The following LGALS9 variants were observed in gnomAD, a reference collection of about 807,000 sequenced individuals.
LGALS9 encodes the protein galectin-9.
In LGALS9, 26 loss-of-function variants were observed where a neutral mutation model predicts 35.9. The ratio of observed to expected loss-of-function variants is 0.72; its 90% CI spans 0.53 to 1.01. The LOEUF (loss-of-function observed/expected upper bound fraction) is 1.01. Ranked by LOEUF, LGALS9 falls within the 50% of genes least tolerant of loss-of-function variation. LGALS9 has a pLI of 0.00. For missense variants in LGALS9, 347 were observed against 445.8 expected (o/e 0.78, Z 1.99); for synonymous variants, 149 against 172.2 (o/e 0.87, Z 1.06).
chr17:27,646,690 C>A, intron 8 of LGALS9, 102 bp downstream of exon 8: 7 of 1,571,506 alleles, frequency 4.5e-6, no homozygotes, highest in Non-Finnish European at 6.1e-6. Flanking sequence ...AAATTAAAAG[C>A]AGTCATTTGT....
At position 27,647,277 on chromosome 17, in the gene LGALS9, A is replaced by T. The variant is rs1220124930; in HGVS notation, c.766A>T (p.Ile256Phe). Residue 256 changes from isoleucine (I) to phenylalanine (F), a missense_variant, in exon 10 of 11, where the codon ATC becomes TTC. Coordinates refer to ENST00000395473, the MANE Select transcript of LGALS9 (RefSeq NM_009587.3). The part of the protein sequence containing the change: ...TVLPSAQRFH[I>F]NLCSGNHIAF... ...GTGGGCTGCCCACCCCAGGTTCCAC[A>T]TCAACCTGTGCTCTGGGAACCACAT... 1.9e-6 allele frequency: 3 copies of T among 1,614,036 alleles called. No individual in the cohort carries two copies. The highest frequency in any genetic ancestry group is 2.5e-6 in the Non-Finnish European group (3 of 1,180,040).
In LGALS9 at chr17:27,642,434, A is replaced by G. The variant is rs1428094121; in HGVS notation, c.444+86A>G. The G allele has an allele frequency of 1.9e-6, 3 of 1,586,396 alleles. No individual in the cohort carries two copies. In the East Asian group the frequency reaches 6.9e-5, roughly 36 times the overall value. ...GTCTAAGCCCTGCTGGGTGGGCCCA[A>G]GCCAATCTCCTACCCAGGTCACTCT... On this transcript the variant is annotated intron_variant, in intron 4 of 10. Coordinates refer to ENST00000395473, the MANE Select transcript of LGALS9 (RefSeq NM_009587.3).
chr17:27,636,988 A>G (rs2074459397), intron 1 of LGALS9, among the ~76,000 whole-genome samples: 1 of 151,864 alleles, frequency 6.6e-6, no homozygotes, highest in Non-Finnish European at 1.5e-5. Context: ...CCACTCCCCC[A>G]CCTGGCCATC....
Position 27,634,726 on chromosome 17 carries a change from A to G in LGALS9, c.39+3422A>G, listed in dbSNP as rs555007980. On this transcript the variant is annotated intron_variant, in intron 1 of 10. Coordinates refer to ENST00000395473, the MANE Select transcript of LGALS9 (RefSeq NM_009587.3). ...TTGGGACCACCTTTAAAATCAGGAC[A>G]ATCTCCCCATGCCAAAATTACTAAT... Among the ~76,000 whole-genome samples, 3 of 152,288 alleles carry G rather than the reference A, an allele frequency of 2.0e-5. No individual in the cohort carries two copies. The East Asian group carries it at 5.8e-4, about 29-fold the overall frequency.
chr17:27,644,910 G>A (rs1164471506), intron 5 of LGALS9: 2 of 195,468 alleles, frequency 1.0e-5, no homozygotes, highest in African/African-American at 2.4e-5. Flanking sequence ...CACAGGAGCT[G>A]AGGCTGCTTC....
chr17:27,639,046 G>A (rs2074487189), intron 2 of LGALS9, among the ~76,000 whole-genome samples: 1 of 152,176 alleles, frequency 6.6e-6, no homozygotes, highest in South Asian at 2.1e-4. Context: ...GAACTCTGCG[G>A]GGCCCACAGA....
chr17:27,635,770 A>G (rs2074443177), intron 1 of LGALS9, among the ~76,000 whole-genome samples: 1 of 152,146 alleles, frequency 6.6e-6, no homozygotes, highest in African/African-American at 2.4e-5. Flanking sequence ...GTTGTGTCTC[A>G]TGATAGTATG....
Position 27,643,577 on chromosome 17 carries a change from A to G in LGALS9, c.497A>G (p.Gln166Arg). Residue 166 changes from glutamine (Q) to arginine (R), a missense_variant, in exon 5 of 11, where the codon CAG becomes CGG. Transcript: ENST00000395473. ...GCCTTCTCCACGGTGCCGTTCTCCCAGCCTGTCTGTTTCCCACCCAGGCCC... is the reference window on the plus strand; with the variant it reads ...GCCTTCTCCACGGTGCCGTTCTCCCGGCCTGTCTGTTTCCCACCCAGGCCC... ...QPAFSTVPFS[Q>R]PVCFPPRPRG... The G allele has an allele frequency of 6.2e-7, 1 of 1,611,890 alleles. No homozygotes were observed. The highest frequency in any genetic ancestry group is 8.5e-7 in the Non-Finnish European group (1 of 1,179,772).
chr17:27,643,470 C>T (rs1904673961), intron 4 of LGALS9, 55 bp from the exon 5 acceptor site: 1 of 1,607,722 alleles, frequency 6.2e-7, no homozygotes, highest in African/African-American at 1.3e-5. Flanking sequence ...CTTTCGGCTT[C>T]TCCTTGGCTC....
rs1904678774 is a variant in LGALS9, at chr17:27,643,509, C to A, written c.445-16C>A. ...TAATGCTTCTCCTCACTGCCCGGTGCCTTTTGTTTTAACAGAACCCCCGCA... is the reference window on the plus strand; with the variant it reads ...TAATGCTTCTCCTCACTGCCCGGTGACTTTTGTTTTAACAGAACCCCCGCA... On this transcript the variant is annotated splice_polypyrimidine_tract_variant and intron_variant, in intron 4 of 10. Coordinates refer to ENST00000395473, the MANE Select transcript of LGALS9 (RefSeq NM_009587.3). 6.2e-7 allele frequency: 1 copy of A among 1,611,614 alleles called. No individual in the cohort carries two copies. Among genetic ancestry groups the A allele is most frequent in the African/African-American group, 1.3e-5 (1 of 74,852 alleles).
rs776154150 is a variant in LGALS9 at position 27,643,522 on chromosome 17, C to T, written c.445-3C>T. On this transcript the variant is annotated splice_polypyrimidine_tract_variant and splice_region_variant and intron_variant, in intron 4 of 10. Transcript: ENST00000395473. ...CACTGCCCGGTGCCTTTTGTTTTAACAGAACCCCCGCACAGTCCCTGTTCA... is the reference window on the plus strand; with the variant it reads ...CACTGCCCGGTGCCTTTTGTTTTAATAGAACCCCCGCACAGTCCCTGTTCA... 25 of 1,611,688 alleles carry T rather than the reference C, an allele frequency of 1.6e-5. No homozygotes were observed. The highest frequency in any genetic ancestry group is 2.0e-5 in the Non-Finnish European group (24 of 1,179,748).
chr17:27,640,764 A>C lies in LGALS9; in HGVS notation c.324A>C (p.Ser108=). ...PFDLCFLVQS[S]DFKVMVNGIL... ...ACCTCTGCTTCCTGGTGCAGAGCTCAGATTTCAAGGTGAGCAAGAATCCCC... is the reference window on the plus strand; with the variant it reads ...ACCTCTGCTTCCTGGTGCAGAGCTCCGATTTCAAGGTGAGCAAGAATCCCC... Residue 108 remains serine (S), a synonymous_variant, in exon 3 of 11, where the codon TCA becomes TCC. Coordinates refer to ENST00000395473, the MANE Select transcript of LGALS9 (RefSeq NM_009587.3). 1 of 1,614,106 alleles carries C rather than the reference A, an allele frequency of 6.2e-7. No individual in the cohort carries two copies. Among genetic ancestry groups the C allele is most frequent in the Non-Finnish European group, 8.5e-7 (1 of 1,179,954 alleles).
rs558044452 is a variant in LGALS9, at chr17:27,638,600, C to T, written c.131+246C>T. ...CTGGGAGCTGACGGTCTAAGGAGGGCGTGGGATGGTCAGAGTTGGATGATT... is the reference window on the plus strand; with the variant it reads ...CTGGGAGCTGACGGTCTAAGGAGGGTGTGGGATGGTCAGAGTTGGATGATT... On this transcript the variant is annotated intron_variant, in intron 2 of 10. Transcript: ENST00000395473. 228 of 381,766 alleles carry T rather than the reference C, an allele frequency of 6.0e-4. 1 individual carries two copies. Among genetic ancestry groups the T allele is most frequent in the African/African-American group, 4.3e-3 (207 of 48,018 alleles). The allele number at this position is 381,766 out of a possible 1,614,324, so 23.6% of individuals were successfully genotyped here. A position where few individuals can be genotyped will look rare whatever the true frequency, so the allele number is the denominator to read the frequency against.
chr17:27,649,067 T>C lies in LGALS9; in HGVS notation c.*85T>C. The C allele has an allele frequency of 1.3e-6, 2 of 1,591,626 alleles. No individual in the cohort carries two copies. The highest frequency in any genetic ancestry group is 2.2e-5 in the East Asian group (1 of 44,694). ...ATCCCCACTTCCCAGGCCCAGCCTT[T>C]CCAACCCTGCCTGGGATCTGGGCTT... is the stretch of plus-strand genomic sequence containing the variant. On this transcript the variant is annotated 3_prime_UTR_variant, in exon 11 of 11. Coordinates refer to ENST00000395473, the MANE Select transcript of LGALS9 (RefSeq NM_009587.3).
At chr17:27,642,384 G>C (rs777418683) in intron 4 of LGALS9, 36 bp downstream of exon 4, 3 of 1,611,450 alleles carry the variant, frequency 1.9e-6, no homozygotes, top group Non-Finnish European at 2.5e-6. Context: ...CCCAGGGGCT[G>C]GGATGCAGGG....
rs187717738 is a variant in LGALS9, at chr17:27,634,314, C to T, written c.39+3010C>T. 3.9e-5 allele frequency among the ~76,000 whole-genome samples: 6 copies of T among 152,226 alleles called. No homozygotes were observed. In the East Asian group the frequency reaches 5.8e-4, roughly 15 times the overall value. On this transcript the variant is annotated intron_variant, in intron 1 of 10. Coordinates refer to ENST00000395473, the MANE Select transcript of LGALS9 (RefSeq NM_009587.3). ...CTATAATCCCAGCACTTTGAGAAGC[C>T]GAGGCAGGAGGATCTCCTTAATCCA...
intron 7 of LGALS9, 152 bp from the exon 8 acceptor site, chr17:27,646,395 T>A: frequency 8.0e-6 from 10 of 1,248,444 alleles, no homozygotes; most frequent in Non-Finnish European, 1.2e-5. Context: ...AAGGCTAACA[T>A]GAAAAGGGAG....
At position 27,647,122 on chromosome 17, in the gene LGALS9, A is replaced by G. The variant is rs752389378; in HGVS notation, c.758+4A>G. The G allele has an allele frequency of 6.2e-7, 1 of 1,614,096 alleles. No individual in the cohort carries two copies. The highest frequency in any genetic ancestry group is 8.5e-7 in the Non-Finnish European group (1 of 1,180,044). On this transcript the variant is annotated splice_donor_region_variant and intron_variant, in intron 9 of 10. Coordinates refer to ENST00000395473, the MANE Select transcript of LGALS9 (RefSeq NM_009587.3). ...CTGTCCTGCCCAGTGCTCAGAGGTAAGCCAAGGGCTCCAGTGACCTCTGGG... is the reference window on the plus strand; with the variant it reads ...CTGTCCTGCCCAGTGCTCAGAGGTAGGCCAAGGGCTCCAGTGACCTCTGGG...
rs191801484 is a variant in LGALS9, at chr17:27,641,400, T to C, written c.333+627T>C. Among the ~76,000 whole-genome samples the C allele has an allele frequency of 3.9e-3, 600 of 152,316 alleles. 4 individuals are homozygous for C. The highest frequency in any genetic ancestry group is 6.2e-3 in the Non-Finnish European group (421 of 68,022). ...TCCTTTGCAGGAACATGGATGGAGC[T>C]GGAAGCCTTTATCCTTAAACTAACG... On this transcript the variant is annotated intron_variant, in intron 3 of 10. Transcript: ENST00000395473.
Sources: allele counts gnomAD v4.1 joint callset (sites outside exome capture counted in the v4.1 genomes callset), GRCh38; gene constraint gnomAD v4.1.1; transcripts MANE v1.5; gene names NCBI Gene and HGNC (gene_info 2026-07-23, HGNC 2026-07-21).